ERBB4: variants seen among roughly 807,000 people sequenced by gnomAD.
ERBB4 encodes the protein erb-b2 receptor tyrosine kinase 4.
ERBB4 carries 42 observed loss-of-function variants against 158.0 expected under a neutral mutation model. That is an observed-to-expected ratio of 0.27 (90% CI 0.21 to 0.34). The LOEUF is 0.34. Among genes scored for constraint, ERBB4 ranks in the 10% least tolerant of loss-of-function variants. The pLI is 1.00. For missense variants in ERBB4, 1,333 were observed against 1,624.1 expected, an observed-to-expected ratio of 0.82 and a Z score of 3.08; for synonymous variants, 583 against 558.7, an observed-to-expected ratio of 1.04 and a Z score of -0.61.
At chr2:211,994,889 G>A (rs1311295064) in intron 2 of ERBB4, among the ~76,000 whole-genome samples, 2 of 151,812 alleles carry the variant, frequency 1.3e-5, no homozygotes, top group Admixed American at 6.6e-5. Flanking sequence ...GCTTCATGCA[G>A]TTGTGCACAA....
rs543324286 is a variant in ERBB4, at chr2:211,767,174, C to T, written c.557-16470G>A. Among the ~76,000 whole-genome samples, 4 of 152,004 alleles carry T rather than the reference C, an allele frequency of 2.6e-5. No individual in the cohort carries two copies. In the East Asian group the frequency reaches 5.8e-4, roughly 22 times the overall value. On this transcript the variant is annotated intron_variant, in intron 4 of 27. Transcript: ENST00000342788. ...TGTGCTTTTATTTTATTGCTTTGTT[C>T]GTGCATTTTTCCCAATTCTTTGTTC...
rs565849305 is a variant in ERBB4, at chr2:212,362,927, G to A, written c.82+175522C>T. Reference sequence around the variant, plus strand: ...ACTTACAGCCTAATTTTTAAAATTTGTGCCATGAAGATAAAAATATGGGCA... The same window carrying A: ...ACTTACAGCCTAATTTTTAAAATTTATGCCATGAAGATAAAAATATGGGCA... On this transcript the variant is annotated intron_variant, in intron 1 of 27. Transcript: ENST00000342788. Among the ~76,000 whole-genome samples, 7 of 151,312 alleles carry A rather than the reference G, an allele frequency of 4.6e-5. No homozygotes were observed. In the East Asian group the frequency reaches 1.4e-3, roughly 29 times the overall value.
chr2:212,329,771 A>G (rs2088043042), intron 1 of ERBB4, among the ~76,000 whole-genome samples: 1 of 152,090 alleles, frequency 6.6e-6, no homozygotes, highest in African/African-American at 2.4e-5. Flanking sequence ...TGTTGTCTAA[A>G]TATTTATCAA....
intron 7 of ERBB4, among the ~76,000 whole-genome samples, chr2:211,720,136 T>A (rs1192142841): frequency 6.6e-6 from 1 of 152,180 alleles, no homozygotes. Flanking sequence ...AGAAAAGTTG[T>A]TCCCGGTAAC....
intron 3 of ERBB4, among the ~76,000 whole-genome samples, chr2:211,913,001 G>C (rs1000208787): frequency 6.6e-6 from 1 of 152,084 alleles, no homozygotes; most frequent in Non-Finnish European, 1.5e-5. Context: ...ATTTGGCCGT[G>C]CTCTGAGCCA....
intron 1 of ERBB4, among the ~76,000 whole-genome samples, chr2:212,371,480 T>C (rs2090083986): frequency 6.6e-6 from 1 of 152,234 alleles, no homozygotes. Context: ...TTTCTCATTT[T>C]GAATTAAACA....
intron 12 of ERBB4, among the ~76,000 whole-genome samples, chr2:211,681,029 A>G (rs1020710731): frequency 6.6e-6 from 1 of 152,116 alleles, no homozygotes. Context: ...TCCTCCTTAG[A>G]CAATTATTGG....
rs184320347 is a variant in ERBB4, at chr2:212,150,119, T to G, written c.83-25216A>C. Among the ~76,000 whole-genome samples, 771 of 152,288 alleles carry G rather than the reference T, an allele frequency of 5.1e-3. 5 individuals carry two copies. The highest frequency in any genetic ancestry group is 0.018 in the African/African-American group (733 of 41,576). On this transcript the variant is annotated intron_variant, in intron 1 of 27. Transcript: ENST00000342788. ...AATAAAGTGCCATAAACTGGTGGCTTAGAAAAGCAGAAATTTACCCTCTCA... is the reference window on the plus strand; with the variant it reads ...AATAAAGTGCCATAAACTGGTGGCTGAGAAAAGCAGAAATTTACCCTCTCA...
At chr2:211,506,851 A>G (rs2065764343) in intron 20 of ERBB4, among the ~76,000 whole-genome samples, 1 of 152,140 alleles carries the variant, frequency 6.6e-6, no homozygotes, top group Admixed American at 6.5e-5. Context: ...AAGCTAGCAG[A>G]ATAAAAGAAA....
chr2:212,109,574 C>T (rs1264479346), intron 2 of ERBB4, among the ~76,000 whole-genome samples: 3 of 152,284 alleles, frequency 2.0e-5, no homozygotes, highest in Non-Finnish European at 4.4e-5. Flanking sequence ...TCTATCCTTA[C>T]ATGCAAGGTC....
intron 1 of ERBB4, among the ~76,000 whole-genome samples, chr2:212,319,189 T>C (rs2087441550): frequency 6.6e-6 from 1 of 151,610 alleles, no homozygotes; most frequent in African/African-American, 2.4e-5. Flanking sequence ...CTACCTATTG[T>C]TTTTACTTTT....
intron 1 of ERBB4, among the ~76,000 whole-genome samples, chr2:212,368,976 A>G (rs2089991386): frequency 1.3e-5 from 2 of 152,118 alleles, no homozygotes; most frequent in South Asian, 4.1e-4. Flanking sequence ...CTGTAGGCCA[A>G]CCTTCTGAAT....
chr2:212,204,012 G>T (rs1275968433), intron 1 of ERBB4, among the ~76,000 whole-genome samples: 1 of 152,126 alleles, frequency 6.6e-6, no homozygotes, highest in Non-Finnish European at 1.5e-5. Flanking sequence ...AGTCAAACAT[G>T]CATGAATGTT....
intron 20 of ERBB4, among the ~76,000 whole-genome samples, chr2:211,528,233 C>T (rs989328706): frequency 6.6e-6 from 1 of 151,748 alleles, no homozygotes; most frequent in Non-Finnish European, 1.5e-5. Context: ...AAATAGATTT[C>T]AAGACAAAAA....
chr2:212,388,230 A>C (rs2090742607), intron 1 of ERBB4, among the ~76,000 whole-genome samples: 1 of 152,150 alleles, frequency 6.6e-6, no homozygotes. Flanking sequence ...TTTCTAGTTC[A>C]GTTGGAAGTA....
In ERBB4 at chr2:211,816,233, T is replaced by A. The variant is rs531325143; in HGVS notation, c.422-28074A>T. On this transcript the variant is annotated intron_variant, in intron 3 of 27. Transcript: ENST00000342788. ...AAAGTATATTTAGCTGTTAATAAAA[T>A]ATCAGTTTTCATATAAAGATAACTT... 9.9e-4 allele frequency among the ~76,000 whole-genome samples: 151 copies of A among 152,208 alleles called. 1 individual carries two copies. The South Asian group carries it at 0.029, about 29-fold the overall frequency.
At chr2:212,197,249 C>A (rs1275113762) in intron 1 of ERBB4, among the ~76,000 whole-genome samples, 3 of 152,092 alleles carry the variant, frequency 2.0e-5, no homozygotes, top group Non-Finnish European at 4.4e-5. Context: ...AATTATTATA[C>A]AATAAAACTT....
rs1318242501 is a variant in ERBB4 at position 212,262,085 on chromosome 2, G to T, written c.83-137182C>A. Among the ~76,000 whole-genome samples the T allele has an allele frequency of 1.1e-4, 17 of 152,090 alleles. No individual in the cohort carries two copies. In the East Asian group the frequency reaches 3.3e-3, roughly 29 times the overall value. On this transcript the variant is annotated intron_variant, in intron 1 of 27. Transcript: ENST00000342788. ...TAACTGATATAATCTTATTCTAATTGTTCCCACTTTTTGGCTGTGTACTCT... is the reference window on the plus strand; with the variant it reads ...TAACTGATATAATCTTATTCTAATTTTTCCCACTTTTTGGCTGTGTACTCT...
rs2062513765 is a variant in ERBB4 at position 211,378,269 on chromosome 2, C to T, written c.*5346G>A. ...TTTCCAGAGGAAGCATGTGAATACCCCCCGTGAAATTGGGGCTTAGAGTCA... is the reference window on the plus strand; with the variant it reads ...TTTCCAGAGGAAGCATGTGAATACCTCCCGTGAAATTGGGGCTTAGAGTCA... On this transcript the variant is annotated 3_prime_UTR_variant, in exon 28 of 28. Coordinates refer to ENST00000342788, the MANE Select transcript of ERBB4 (RefSeq NM_005235.3). 1 of 232,776 alleles carries T rather than the reference C, an allele frequency of 4.3e-6. No individual in the cohort carries two copies. The highest frequency in any genetic ancestry group is 8.5e-6 in the Non-Finnish European group (1 of 117,646). The allele number at this position is 232,776 out of a possible 1,614,324, so 14.4% of individuals were successfully genotyped here. A position where few individuals can be genotyped will look rare whatever the true frequency, so the allele number is the denominator to read the frequency against.
Sources: allele counts gnomAD v4.1 joint callset (sites outside exome capture counted in the v4.1 genomes callset), GRCh38; gene constraint gnomAD v4.1.1; transcripts MANE v1.5; gene names NCBI Gene and HGNC (gene_info 2026-07-23, HGNC 2026-07-21).